NRXN3: variants seen among roughly 807,000 people sequenced by gnomAD.
NRXN3 encodes neurexin 3.
Under a neutral mutation model 137.6 loss-of-function variants are expected in NRXN3, and 32 were observed. The ratio of observed to expected loss-of-function variants is 0.23; its 90% confidence interval spans 0.18 to 0.31. NRXN3 has a LOEUF of 0.31. Among genes scored for constraint, NRXN3 ranks in the 10% least tolerant of loss-of-function variants. NRXN3 has a pLI of 1.00. For missense variants in NRXN3, 1,574 were observed against 2,062.5 expected, an observed-to-expected ratio of 0.76 and a Z score of 4.59; for synonymous variants, 798 against 784.5, an observed-to-expected ratio of 1.02 and a Z score of -0.29.
intron 16 of NRXN3, among the ~76,000 whole-genome samples, chr14:79,560,522 T>TTTTTC (rs1382502230): frequency 3.0e-5 from 4 of 132,470 alleles, no homozygotes; most frequent in Non-Finnish European, 6.4e-5. Context: ...TTTTTTTTTT[T>TTTTTC]TTTTTTGAGA....
At chr14:78,995,633 A>G (rs1316690805) in intron 15 of NRXN3, among the ~76,000 whole-genome samples, 3 of 152,158 alleles carry the variant, frequency 2.0e-5, no homozygotes, top group Non-Finnish European at 4.4e-5. Context: ...CCTGCCGGCT[A>G]CTCTTCGATA....
At chr14:79,358,539 A>T (rs1376690131) in intron 15 of NRXN3, among the ~76,000 whole-genome samples, 3 of 144,138 alleles carry the variant, frequency 2.1e-5, no homozygotes, top group Non-Finnish European at 3.0e-5. Context: ...GCACTACTGC[A>T]CTCCAGCCTG....
intron 4 of NRXN3, among the ~76,000 whole-genome samples, chr14:78,419,054 G>A (rs974151632): frequency 1.3e-5 from 2 of 152,138 alleles, no homozygotes; most frequent in Non-Finnish European, 2.9e-5. Context: ...TTTACATGAA[G>A]AGCCTCAGTT....
chr14:79,636,077 G>T (rs1468399387), intron 16 of NRXN3, among the ~76,000 whole-genome samples: 1 of 152,096 alleles, frequency 6.6e-6, no homozygotes, highest in Admixed American at 6.6e-5. Context: ...TCTTCACATG[G>T]TGTTTCTTTC....
chr14:79,518,271 A>T (rs959208169), intron 16 of NRXN3, among the ~76,000 whole-genome samples: 9 of 152,000 alleles, frequency 5.9e-5, no homozygotes, highest in African/African-American at 1.9e-4. Flanking sequence ...AATAATTTGT[A>T]TATGTTAGCA....
intron 4 of NRXN3, among the ~76,000 whole-genome samples, chr14:78,469,081 C>T (rs556182127): frequency 6.6e-6 from 1 of 152,198 alleles, no homozygotes; most frequent in Admixed American, 6.5e-5. Context: ...CCTTCTCCAC[C>T]TAGTTACACA....
intron 4 of NRXN3, among the ~76,000 whole-genome samples, chr14:78,568,261 A>C (rs2096855367): frequency 6.6e-6 from 1 of 152,176 alleles, no homozygotes; most frequent in Non-Finnish European, 1.5e-5. Flanking sequence ...CTTTGGGATT[A>C]GTGCTCTTAT....
chr14:79,693,167 C>T (rs10145869), intron 18 of NRXN3, among the ~76,000 whole-genome samples: 13,711 of 151,904 alleles, frequency 0.09, 635 homozygotes, highest in East Asian at 0.13. Context: ...TAAGAAGATA[C>T]GTATTCTTTG....
At chr14:79,486,529 AC>A (rs1246485548) in intron 16 of NRXN3, among the ~76,000 whole-genome samples, 9 of 152,106 alleles carry the variant, frequency 5.9e-5, no homozygotes, top group Non-Finnish European at 1.2e-4. Context: ...CGGAGCCACC[AC>A]CCTCAGCAGT....
At position 79,461,276 on chromosome 14, in the gene NRXN3, T is replaced by C. The variant is rs553217981; in HGVS notation, c.3263-5945T>C. On this transcript the variant is annotated intron_variant, in intron 15 of 20. Coordinates refer to ENST00000335750, the MANE Select transcript of NRXN3 (RefSeq NM_001330195.2). ...CTCAACTCCACTACTTAGCAACAGA[T>C]CAAGTTGTTTAATCTCCTTGAGCAT... 4.6e-5 allele frequency among the ~76,000 whole-genome samples: 7 copies of C among 152,302 alleles called. No individual in the cohort carries two copies. The South Asian group carries it at 1.4e-3, about 32-fold the overall frequency.
At chr14:78,480,644 A>G (rs962894858) in intron 4 of NRXN3, among the ~76,000 whole-genome samples, 5 of 152,174 alleles carry the variant, frequency 3.3e-5, no homozygotes, top group African/African-American at 4.8e-5. Flanking sequence ...ATAGCTAGGT[A>G]TAAGTGTAGG....
At chr14:78,343,731 A>G (rs28391038) in intron 4 of NRXN3, among the ~76,000 whole-genome samples, 4,880 of 152,306 alleles carry the variant, frequency 0.032, 231 homozygotes, top group African/African-American at 0.096. Flanking sequence ...AGCTGCCAGC[A>G]CAAAACCTCC....
intron 4 of NRXN3, among the ~76,000 whole-genome samples, chr14:78,610,674 C>G (rs2097293242): frequency 6.6e-6 from 1 of 152,184 alleles, no homozygotes; most frequent in Admixed American, 6.5e-5. Context: ...CTTGATGAAA[C>G]TGGTTTTTGT....
intron 15 of NRXN3, among the ~76,000 whole-genome samples, chr14:79,026,133 A>G (rs2099597636): frequency 6.6e-6 from 1 of 152,162 alleles, no homozygotes; most frequent in African/African-American, 2.4e-5. Flanking sequence ...GTGCTCAAGA[A>G]CTGATCTTAA....
At chr14:78,865,599 G>A (rs1327188364) in intron 10 of NRXN3, among the ~76,000 whole-genome samples, 2 of 152,160 alleles carry the variant, frequency 1.3e-5, no homozygotes, top group Non-Finnish European at 2.9e-5. Flanking sequence ...TCTGTTGGAA[G>A]AAAACTAGAT....
chr14:79,103,900 CAT>C (rs2051840905), intron 15 of NRXN3, among the ~76,000 whole-genome samples: 1 of 152,278 alleles, frequency 6.6e-6, no homozygotes, highest in Non-Finnish European at 1.5e-5. Context: ...CACCAACACA[CAT>C]GTGCAAATCT....
At chr14:79,696,594 A>G (rs1016886688) in intron 18 of NRXN3, among the ~76,000 whole-genome samples, 1 of 151,946 alleles carries the variant, frequency 6.6e-6, no homozygotes, top group Admixed American at 6.6e-5. Flanking sequence ...TTTGCTTGGG[A>G]AAAAAATCTC....
rs147935123 is a variant in NRXN3 at position 79,562,026 on chromosome 14, CTAAG to C, written c.3444+94626_3444+94629del. Among the ~76,000 whole-genome samples, 79 of 152,152 alleles carry C rather than the reference CTAAG, an allele frequency of 5.2e-4. No homozygotes were observed. The East Asian group carries it at 0.014, about 27-fold the overall frequency. ...TGTTTACTTATTTTCTAAAAGTAGT[CTAAG>C]TGAGTCATTATAAATTGAACATTCA... On this transcript the variant is annotated intron_variant, in intron 16 of 20. Transcript: ENST00000335750.
chr14:78,430,298 C>T (rs2093829472), intron 4 of NRXN3, among the ~76,000 whole-genome samples: 2 of 152,222 alleles, frequency 1.3e-5, no homozygotes, highest in African/African-American at 4.8e-5. Flanking sequence ...TTTAAAATCA[C>T]TGATGCTTGA....
Sources: allele counts gnomAD v4.1 joint callset (sites outside exome capture counted in the v4.1 genomes callset), GRCh38; gene constraint gnomAD v4.1.1; transcripts MANE v1.5; gene names NCBI Gene and HGNC (gene_info 2026-07-23, HGNC 2026-07-21).